The following CCR6 variants were observed in gnomAD, a reference collection of about 807,000 sequenced individuals.
CCR6 encodes the protein C-C motif chemokine receptor 6, also known as C-C chemokine receptor type 6.
Under a neutral mutation model 3.0 loss-of-function variants are expected in CCR6, and 2 were observed. That is an observed-to-expected ratio of 0.66 (90% confidence interval 0.27 to 2.07). CCR6 has a LOEUF of 2.07. Among genes scored for constraint, CCR6 ranks in the 30% most tolerant of loss-of-function variants. CCR6 has a pLI of 0.14. For synonymous variants in CCR6, 193 were observed against 184.3 expected (o/e 1.05, Z -0.38); for missense variants, 322 against 462.8 (o/e 0.70, Z 2.79).
intron 1 of CCR6, chr6:167,116,725 A>C (rs1781498560): frequency 6.6e-6 from 1 of 151,970 alleles, no homozygotes. Flanking sequence ...GCAGAGAGGC[A>C]CCCAGGGGTA....
Position 167,137,067 on chromosome 6 carries a change from A to C in CCR6, c.837A>C (p.Ala279=), listed in dbSNP as rs1237483529. 3 of 1,614,076 alleles carry C rather than the reference A, an allele frequency of 1.9e-6. No homozygotes were observed. The highest frequency in any genetic ancestry group is 2.5e-6 in the Non-Finnish European group (3 of 1,180,046). Residue 279 remains alanine, a synonymous_variant, in exon 3 of 3, where the codon GCA becomes GCC. Coordinates refer to ENST00000341935, the MANE Select transcript of CCR6 (RefSeq NM_031409.4). The surrounding 1 kb of genome is among the most constrained non-coding windows in gnomAD (Gnocchi z 4.6). ...ACATGGTCCTGCTTGTGACGGCTGC[A>C]AATTTGGGTAAAATGAACCGATCCT... The part of the protein sequence containing the change: ...PHNMVLLVTA[A]NLGKMNRSCQ...
upstream of CCR6, among the ~76,000 whole-genome samples, chr6:167,121,149 C>T (rs1413809624): frequency 6.6e-6 from 1 of 152,234 alleles, no homozygotes; most frequent in African/African-American, 2.4e-5. Flanking sequence ...CTCCAGATCC[C>T]TGCCTCTGTG....
intron 1 of CCR6, among the ~76,000 whole-genome samples, chr6:167,124,435 T>G (rs1220792616): frequency 6.6e-6 from 1 of 152,158 alleles, no homozygotes; most frequent in Non-Finnish European, 1.5e-5. Flanking sequence ...GTATAAAATA[T>G]GGTGGGCCCA....
intron 1 of CCR6, among the ~76,000 whole-genome samples, chr6:167,133,363 C>T (rs1428066214): frequency 6.6e-6 from 1 of 152,134 alleles, no homozygotes; most frequent in Admixed American, 6.5e-5. Context: ...GAAGACTGTT[C>T]TTTTCCCATT....
In CCR6 at chr6:167,136,828, A is replaced by C. The variant is rs757403599; in HGVS notation, c.598A>C (p.Lys200Gln). Residue 200 changes from lysine (K) to glutamine (Q), a missense_variant, in exon 3 of 3, where the codon AAG (lysine) becomes CAG (glutamine). By Grantham distance (53) the Lys-to-Gln change is moderately conservative (BLOSUM62 1). Transcript: ENST00000341935. This position sits in a 1 kb window ranked among gnomAD's most constrained non-coding sequence, Gnocchi z 4.6. ...CCAAGGCAGCGATGTCTGTGAACCC[A>C]AGTACCAGACTGTCTCGGAGCCCAT... ...NTQGSDVCEP[K>Q]YQTVSEPIRW... The C allele has an allele frequency of 3.1e-6, 5 of 1,614,106 alleles. No homozygotes were observed. The Admixed American group carries it at 8.3e-5, about 27-fold the overall frequency.
chr6:167,128,451 C>T (rs969835102), intron 1 of CCR6, among the ~76,000 whole-genome samples: 6 of 152,232 alleles, frequency 3.9e-5, no homozygotes, highest in South Asian at 2.1e-4. Context: ...TGGATGTCTG[C>T]GCCCACATAG....
intron 1 of CCR6, among the ~76,000 whole-genome samples, chr6:167,128,808 A>G (rs1781710483): frequency 6.6e-6 from 1 of 152,152 alleles, no homozygotes; most frequent in Non-Finnish European, 1.5e-5. Flanking sequence ...TCCTGACCTC[A>G]AGTGATCCGC....
intron 1 of CCR6, among the ~76,000 whole-genome samples, chr6:167,117,524 C>T (rs1008633701): frequency 1.4e-5 from 2 of 147,308 alleles, no homozygotes; most frequent in East Asian, 4.1e-4. Flanking sequence ...TCACGCCATT[C>T]TCCTGCCTCA....
chr6:167,127,852 T>G (rs906796209), intron 1 of CCR6, among the ~76,000 whole-genome samples: 3 of 152,224 alleles, frequency 2.0e-5, no homozygotes, highest in African/African-American at 7.2e-5. Flanking sequence ...TAGTAAGTAC[T>G]ATTTGCATGT....
intron 1 of CCR6, among the ~76,000 whole-genome samples, chr6:167,125,419 G>GC (rs1050502673): frequency 2.6e-5 from 4 of 152,184 alleles, no homozygotes; most frequent in African/African-American, 7.2e-5. Context: ...TTCTTGGGGA[G>GC]CCCCCCACCC....
chr6:167,137,977 A>G lies in CCR6; in HGVS notation c.*622A>G, dbSNP rs1781875261. ...GAAGTGCTTCGGGAAGAAGGGGACA[A>G]TGGCAGAACAGGTGTTGGTGACAAT... On this transcript the variant is annotated 3_prime_UTR_variant, in exon 3 of 3. Coordinates refer to ENST00000341935, the MANE Select transcript of CCR6 (RefSeq NM_031409.4). The surrounding 1 kb of genome is among the most constrained non-coding windows in gnomAD (Gnocchi z 4.6). The G allele has an allele frequency of 6.5e-6, 1 of 152,978 alleles. No homozygotes were observed. The highest frequency in any genetic ancestry group is 2.1e-4 in the South Asian group (1 of 4,840). The allele number at this position is 152,978 out of a possible 1,614,324, so 9.5% of individuals were successfully genotyped here. A position where few individuals can be genotyped will look rare whatever the true frequency, so the allele number is the denominator to read the frequency against.
intron 1 of CCR6, among the ~76,000 whole-genome samples, chr6:167,112,753 C>T (rs971880856): frequency 2.6e-5 from 4 of 151,956 alleles, no homozygotes; most frequent in Non-Finnish European, 4.4e-5. Flanking sequence ...AGCGTGCTGA[C>T]GAAGGTGGGA....
chr6:167,133,144 A>AT (rs1453342797), intron 1 of CCR6, among the ~76,000 whole-genome samples: 2 of 152,080 alleles, frequency 1.3e-5, no homozygotes, highest in Non-Finnish European at 2.9e-5. Context: ...CAATTTATCA[A>AT]TTTTTTTACA....
chr6:167,122,867 T>A (rs1449365052), upstream of CCR6: 3 of 152,360 alleles, frequency 2.0e-5, no homozygotes, highest in African/African-American at 7.2e-5. This position sits in a 1 kb window ranked among gnomAD's most constrained non-coding sequence, Gnocchi z 4.2. Context: ...ACAAACTCAT[T>A]GCTGCAAATT....
intron 1 of CCR6, among the ~76,000 whole-genome samples, chr6:167,123,478 G>A (rs1194571471): frequency 6.6e-6 from 1 of 152,170 alleles, no homozygotes; most frequent in Non-Finnish European, 1.5e-5. Flanking sequence ...GTGATGGTCT[G>A]GGTACTTGCT....
At chr6:167,132,834 C>T (rs1422159093) in intron 1 of CCR6, among the ~76,000 whole-genome samples, 1 of 152,216 alleles carries the variant, frequency 6.6e-6, no homozygotes, top group East Asian at 1.9e-4. Context: ...AGCCACTGTT[C>T]CCAGCCTTCA....
intron 1 of CCR6, among the ~76,000 whole-genome samples, chr6:167,116,384 A>T (rs968066506): frequency 3.3e-5 from 5 of 151,986 alleles, no homozygotes; most frequent in African/African-American, 7.3e-5. Flanking sequence ...TTTAGATCAA[A>T]TTGACCTTTC....
rs1781860731 is a variant in CCR6 at position 167,137,057 on chromosome 6, T to A, written c.827T>A (p.Val276Glu). 1.2e-6 allele frequency: 2 copies of A among 1,614,180 alleles called. No homozygotes were observed. Among genetic ancestry groups the A allele is most frequent in the Admixed American group, 3.3e-5 (2 of 60,020 alleles). Residue 276 changes from valine to glutamate, a missense_variant, in exon 3 of 3, where the codon GTG (valine) becomes GAG (glutamate). Val to Glu is a moderately radical substitution (Grantham distance 121, BLOSUM62 -2). Transcript: ENST00000341935. The surrounding 1 kb of genome is among the most constrained non-coding windows in gnomAD (Gnocchi z 4.6). The stretch of plus-strand genomic sequence containing the variant: ...ATTCCTCATAACATGGTCCTGCTTG[T>A]GACGGCTGCAAATTTGGGTAAAATG... ...CQIPHNMVLLVTAANLGKMNR... is the reference protein window; with the variant it reads ...CQIPHNMVLLETAANLGKMNR...
At chr6:167,117,304 G>A (rs928354967) in intron 1 of CCR6, among the ~76,000 whole-genome samples, 8 of 151,666 alleles carry the variant, frequency 5.3e-5, no homozygotes, top group African/African-American at 1.9e-4. Flanking sequence ...AAGAGTGTTC[G>A]AGGGATCTGG....
Sources: allele counts gnomAD v4.1 joint callset (sites outside exome capture counted in the v4.1 genomes callset), GRCh38; gene constraint gnomAD v4.1.1; non-coding constraint Gnocchi (gnomAD v3.1); transcripts MANE v1.5; gene names NCBI Gene and HGNC (gene_info 2026-07-23, HGNC 2026-07-21).